The following ARHGEF7 variants were observed in gnomAD, a reference collection of about 807,000 sequenced individuals.
ARHGEF7 encodes PAK-interacting exchange factor beta.
A neutral mutation model predicts 109.8 loss-of-function variants in ARHGEF7; 33 were observed. The ratio of observed to expected loss-of-function variants is 0.30; its 90% CI spans 0.23 to 0.40. The LOEUF (loss-of-function observed/expected upper bound fraction) is 0.40, where lower values mean the gene tolerates loss of function less well. Ranked by LOEUF, ARHGEF7 falls within the 10% of genes least tolerant of loss-of-function variation. The pLI is 1.00. For synonymous variants in ARHGEF7, 458 were observed against 424.6 expected (o/e 1.08, Z -0.97); for missense variants, 938 against 1,098.5 (o/e 0.85, Z 2.07).
At chr13:111,156,505 G>A (rs1257252483) in intron 2 of ARHGEF7, among the ~76,000 whole-genome samples, 1 of 152,230 alleles carries the variant, frequency 6.6e-6, no homozygotes, top group Non-Finnish European at 1.5e-5. Context: ...AACAGCACAT[G>A]AAAAACCTGA....
chr13:111,288,546 T>C, intron 18 of ARHGEF7, 103 bp downstream of exon 18: 1 of 757,938 alleles, frequency 1.3e-6, no homozygotes, highest in Non-Finnish European at 2.1e-6. Context: ...GCACAGCCCA[T>C]GCGCCTGACC....
At chr13:111,297,402 CCTT>C (rs2093451167) in intron 19 of ARHGEF7, among the ~76,000 whole-genome samples, 2 of 152,334 alleles carry the variant, frequency 1.3e-5, no homozygotes, top group South Asian at 4.1e-4. Flanking sequence ...ATCCCTAAAT[CCTT>C]CTCGCATGCT....
At chr13:111,150,944 G>A (rs922580460) in intron 1 of ARHGEF7, among the ~76,000 whole-genome samples, 2 of 152,170 alleles carry the variant, frequency 1.3e-5, no homozygotes, top group Non-Finnish European at 2.9e-5. Context: ...ATGAAGCAGT[G>A]GTGGAACCAA....
intron 4 of ARHGEF7, among the ~76,000 whole-genome samples, chr13:111,210,720 A>G (rs1428520179): frequency 2.0e-5 from 3 of 152,218 alleles, no homozygotes; most frequent in African/African-American, 7.2e-5. Flanking sequence ...TCTGAGCTGC[A>G]GCTGGCGGGC....
At position 111,228,618 on chromosome 13, in the gene ARHGEF7, C is replaced by G. The variant is rs111746950; in HGVS notation, c.671-4587C>G. ...AATTATAACATTTTCGAACAAAGAT[C>G]GAGCGTCTTAGCAGATCATCCCTTG... On this transcript the variant is annotated intron_variant, in intron 5 of 21. Coordinates refer to ENST00000646102, the MANE Select transcript of ARHGEF7 (RefSeq NM_001354046.2). The surrounding 1 kb of genome is among the most constrained non-coding windows in gnomAD (Gnocchi z 4.6). Among the ~76,000 whole-genome samples, 10 of 152,078 alleles carry G rather than the reference C, an allele frequency of 6.6e-5. 1 individual carries two copies. The South Asian group carries it at 2.1e-3, about 32-fold the overall frequency.
chr13:111,301,764 G>A (rs1448826805), intron 21 of ARHGEF7, among the ~76,000 whole-genome samples: 1 of 152,084 alleles, frequency 6.6e-6, no homozygotes, highest in Non-Finnish European at 1.5e-5. Context: ...ATAGCGGCAG[G>A]TGCCTGTAAC....
At chr13:111,185,885 G>A (rs1003326316) in intron 2 of ARHGEF7, among the ~76,000 whole-genome samples, 8 of 152,062 alleles carry the variant, frequency 5.3e-5, no homozygotes, top group African/African-American at 1.9e-4. Context: ...GTGTGGTGGT[G>A]TGGGCAAAGC....
intron 5 of ARHGEF7, among the ~76,000 whole-genome samples, chr13:111,223,352 G>A (rs193080309): frequency 1.3e-5 from 2 of 152,222 alleles, no homozygotes; most frequent in Admixed American, 1.3e-4. Context: ...CATCATGTTA[G>A]GATCATTTCT....
chr13:111,290,439 C>T (rs904769794), intron 18 of ARHGEF7, among the ~76,000 whole-genome samples: 1 of 152,140 alleles, frequency 6.6e-6, no homozygotes, highest in African/African-American at 2.4e-5. Context: ...TGTGTAGGTA[C>T]AATGCAAACA....
chr13:111,191,527 A>G (rs2079888860), intron 2 of ARHGEF7, among the ~76,000 whole-genome samples: 1 of 152,184 alleles, frequency 6.6e-6, no homozygotes, highest in Admixed American at 6.5e-5. Flanking sequence ...TTCCTTCATA[A>G]TGAGGGTGAT....
chr13:111,224,471 T>G (rs968353930), intron 5 of ARHGEF7, among the ~76,000 whole-genome samples: 1 of 152,206 alleles, frequency 6.6e-6, no homozygotes, highest in Non-Finnish European at 1.5e-5. Flanking sequence ...TGTGCTGACT[T>G]TAGTCATTCT....
In ARHGEF7 at chr13:111,281,412, G is replaced by A. The variant is rs77599676; in HGVS notation, c.1725+735G>A. 3.8e-3 allele frequency among the ~76,000 whole-genome samples: 580 copies of A among 151,998 alleles called. 2 individuals carry two copies. The highest frequency in any genetic ancestry group is 0.013 in the African/African-American group (529 of 41,472). The stretch of plus-strand genomic sequence containing the variant: ...ACAGATTTCCTCACATCCTTATTAG[G>A]CTATTAGGATCAGCTCTGTCGTGTG... On this transcript the variant is annotated intron_variant, in intron 15 of 21. Transcript: ENST00000646102.
At chr13:111,196,675 C>T (rs981860876) in intron 2 of ARHGEF7, among the ~76,000 whole-genome samples, 1 of 151,956 alleles carries the variant, frequency 6.6e-6, no homozygotes, top group Non-Finnish European at 1.5e-5. Flanking sequence ...TCCTTCTGGG[C>T]AGGGGAGATT....
At chr13:111,171,724 TGTG>T (rs2077611244) in intron 2 of ARHGEF7, among the ~76,000 whole-genome samples, 4 of 152,260 alleles carry the variant, frequency 2.6e-5, no homozygotes, top group Admixed American at 2.6e-4. Context: ...AAAGCTCTTC[TGTG>T]GCTGCCATGG....
intron 1 of ARHGEF7, among the ~76,000 whole-genome samples, chr13:111,143,357 G>C (rs76031826): frequency 6.6e-6 from 1 of 152,110 alleles, no homozygotes; most frequent in South Asian, 2.1e-4. Context: ...GCACATTTCC[G>C]TCAGAGGCCA....
intron 4 of ARHGEF7, 45 bp from the exon 5 acceptor site, chr13:111,217,634 A>G (rs2083297225): frequency 6.6e-7 from 1 of 1,510,356 alleles, no homozygotes; most frequent in Non-Finnish European, 9.2e-7. Flanking sequence ...AATGAAGTAG[A>G]CTGTTCTTGG....
intron 8 of ARHGEF7, 113 bp downstream of exon 8, chr13:111,244,407 T>C (rs2088396562): frequency 1.5e-6 from 1 of 668,262 alleles, no homozygotes; most frequent in Admixed American, 3.4e-5. Context: ...ACTTAAGTTA[T>C]TTTAAATCTT....
At chr13:111,180,454 CA>C (rs1294726706) in intron 2 of ARHGEF7, among the ~76,000 whole-genome samples, 1 of 152,160 alleles carries the variant, frequency 6.6e-6, no homozygotes, top group Admixed American at 6.5e-5. Context: ...GGTGGAAATA[CA>C]GAAGAGGTAG....
intron 2 of ARHGEF7, chr13:111,203,236 C>T: frequency 4.0e-6 from 2 of 495,660 alleles, no homozygotes; most frequent in South Asian, 2.6e-5. Context: ...ACATTCAGAT[C>T]TCCTATTTAA....
Sources: allele counts gnomAD v4.1 joint callset (sites outside exome capture counted in the v4.1 genomes callset), GRCh38; gene constraint gnomAD v4.1.1; non-coding constraint Gnocchi (gnomAD v3.1); transcripts MANE v1.5; gene names NCBI Gene and HGNC (gene_info 2026-07-23, HGNC 2026-07-21).